ROBO2: variants seen among roughly 807,000 people sequenced by gnomAD.
The protein encoded by ROBO2 is roundabout homolog 2.
ROBO2 carries 53 observed loss-of-function variants against 160.8 expected under a neutral mutation model. The ratio of observed to expected loss-of-function variants is 0.33; its 90% CI spans 0.26 to 0.41. The LOEUF (loss-of-function observed/expected upper bound fraction) is 0.41, where lower values mean the gene tolerates loss of function less well. Ranked by LOEUF, ROBO2 falls within the 10% of genes least tolerant of loss-of-function variation. The pLI, the probability that ROBO2 is intolerant of heterozygous loss-of-function variation, is 1.00. For missense variants in ROBO2, 1,577 were observed against 1,722.4 expected (o/e 0.92, Z 1.49); for synonymous variants, 664 against 611.7 (o/e 1.09, Z -1.26).
At chr3:77,415,642 G>A (rs2077156730) in intron 2 of ROBO2, among the ~76,000 whole-genome samples, 1 of 152,098 alleles carries the variant, frequency 6.6e-6, no homozygotes, top group African/African-American at 2.4e-5. Flanking sequence ...ACCAACCCAG[G>A]GTAGGGCACA....
Position 76,965,785 on chromosome 3 carries a change from G to GTATATGTA in ROBO2, c.110-132224_110-132223insGTATATAT, listed in dbSNP as rs2059250383. 1.0e-4 allele frequency among the ~76,000 whole-genome samples: 13 copies of GTATATGTA among 129,208 alleles called. No homozygotes were observed. The South Asian group carries it at 3.2e-3, about 31-fold the overall frequency. The allele number at this position is 129,208 out of a possible 152,430, so 84.8% of individuals were successfully genotyped here. Reference sequence around the variant, plus strand: ...CTATACCATTATTTATTGTGTTTGTGTATATATATATATATATATATATAT... The same window carrying GTATATGTA: ...CTATACCATTATTTATTGTGTTTGTGTATATGTATATATATATATATATATATATATAT... On this transcript the variant is annotated intron_variant, in intron 2 of 26. Coordinates refer to the ROBO2 transcript ENST00000487694.
At chr3:76,105,147 C>T (rs886360298) in intron 2 of ROBO2, among the ~76,000 whole-genome samples, 39 of 151,282 alleles carry the variant, frequency 2.6e-4, no homozygotes, top group Non-Finnish European at 5.5e-4. Context: ...TTTCATGGTA[C>T]CAAACAATGA....
intron 2 of ROBO2, among the ~76,000 whole-genome samples, chr3:76,352,992 A>C (rs1198397674): frequency 6.6e-6 from 1 of 152,020 alleles, no homozygotes; most frequent in Admixed American, 6.6e-5. Flanking sequence ...TAATTCAAGA[A>C]CAGCCTGGCG....
At chr3:77,491,654 A>G (rs2086125090) in intron 4 of ROBO2, among the ~76,000 whole-genome samples, 1 of 152,182 alleles carries the variant, frequency 6.6e-6, no homozygotes, top group Non-Finnish European at 1.5e-5. Context: ...TTTGCTGCTA[A>G]TTTATTCAGG....
chr3:76,326,695 T>C (rs909082809), intron 2 of ROBO2, among the ~76,000 whole-genome samples: 2 of 151,540 alleles, frequency 1.3e-5, no homozygotes, highest in African/African-American at 4.8e-5. Flanking sequence ...CGTATACATG[T>C]GCCATGCTGG....
At chr3:76,883,234 A>G (rs1424810711) in intron 2 of ROBO2, among the ~76,000 whole-genome samples, 1 of 152,166 alleles carries the variant, frequency 6.6e-6, no homozygotes, top group African/African-American at 2.4e-5. Context: ...ATTCTTGTAT[A>G]TTCTTTTAAA....
At chr3:77,610,822 C>G (rs937881657) in intron 21 of ROBO2, among the ~76,000 whole-genome samples, 4 of 150,710 alleles carry the variant, frequency 2.7e-5, no homozygotes, top group Non-Finnish European at 5.9e-5. Flanking sequence ...CAGATAGTCC[C>G]ATTAGTCTTC....
At chr3:76,456,768 A>G (rs1484015017) in intron 2 of ROBO2, among the ~76,000 whole-genome samples, 4 of 152,204 alleles carry the variant, frequency 2.6e-5, no homozygotes. Flanking sequence ...AAAGAGGTTT[A>G]ATTGGACTTA....
intron 2 of ROBO2, among the ~76,000 whole-genome samples, chr3:76,163,495 G>A (rs1040812638): frequency 6.7e-6 from 1 of 148,414 alleles, no homozygotes; most frequent in Non-Finnish European, 1.5e-5. Flanking sequence ...ATATATAACT[G>A]TGTATTATAT....
intron 1 of ROBO2, among the ~76,000 whole-genome samples, chr3:77,052,397 A>C (rs1356233549): frequency 2.0e-5 from 3 of 152,174 alleles, no homozygotes; most frequent in African/African-American, 7.2e-5. Flanking sequence ...AGAGTTATTC[A>C]TGGGGCCACA....
chr3:77,100,006 G>T (rs2071682847), intron 2 of ROBO2, among the ~76,000 whole-genome samples: 1 of 151,882 alleles, frequency 6.6e-6, no homozygotes, highest in African/African-American at 2.4e-5. Context: ...AGCAAATAAG[G>T]TGTTTAAATC....
chr3:76,878,044 C>G (rs1044202892), intron 2 of ROBO2, among the ~76,000 whole-genome samples: 12 of 152,162 alleles, frequency 7.9e-5, no homozygotes, highest in African/African-American at 2.9e-4. Context: ...TCTAAAAGCC[C>G]TATCTCCAAA....
chr3:76,575,724 C>G (rs572854415), intron 2 of ROBO2, among the ~76,000 whole-genome samples: 1 of 152,114 alleles, frequency 6.6e-6, no homozygotes, highest in Non-Finnish European at 1.5e-5. Context: ...AAACCAAATG[C>G]TAATATGTAG....
chr3:76,165,000 T>C (rs1375345786), intron 2 of ROBO2, among the ~76,000 whole-genome samples: 1 of 152,034 alleles, frequency 6.6e-6, no homozygotes, highest in East Asian at 1.9e-4. Flanking sequence ...TTAGAAACAG[T>C]CAAAGCTTTG....
rs74706414 is a variant in ROBO2 at position 76,622,080 on chromosome 3, A to G, written c.110-475934A>G. ...TGAATAAGATCTATTCTTGTGGCTC[A>G]TGTGTGTAATCCCAGTACCTTGGGA... On this transcript the variant is annotated intron_variant, in intron 2 of 26. Coordinates refer to the ROBO2 transcript ENST00000487694. Among the ~76,000 whole-genome samples the G allele has an allele frequency of 7.5e-5, 5 of 66,776 alleles. No homozygotes were observed. In the East Asian group the frequency reaches 1.7e-3, roughly 22 times the overall value. The allele number at this position is 66,776 out of a possible 152,430, so 43.8% of individuals were successfully genotyped here.
intron 2 of ROBO2, among the ~76,000 whole-genome samples, chr3:76,430,979 T>A: frequency 6.6e-6 from 1 of 152,174 alleles, no homozygotes; most frequent in East Asian, 1.9e-4. Context: ...TTTCTCAAAC[T>A]AATAAAATAA....
intron 2 of ROBO2, among the ~76,000 whole-genome samples, chr3:77,314,023 G>A (rs926054929): frequency 1.3e-5 from 2 of 152,172 alleles, no homozygotes; most frequent in African/African-American, 4.8e-5. Context: ...CAGGGTGAAG[G>A]AATGTTGACA....
chr3:76,844,888 A>G (rs1187749421), intron 2 of ROBO2, among the ~76,000 whole-genome samples: 3 of 151,956 alleles, frequency 2.0e-5, no homozygotes, highest in African/African-American at 7.2e-5. Context: ...GATGAGTATA[A>G]AGCAAAGTGA....
At chr3:77,252,831 A>AAAAATATATATATATATATATAT in intron 2 of ROBO2, among the ~76,000 whole-genome samples, 1 of 12,520 alleles carries the variant, frequency 8.0e-5, no homozygotes, top group Admixed American at 2.1e-3. Flanking sequence ...AAAAAAAAAA[A>AAAAATATATATATATATATATAT]ATATATATAT....
Sources: gnomAD v4.1 joint callset for allele counts (sites outside exome capture counted in the v4.1 genomes callset) on GRCh38, gnomAD v4.1.1 for gene constraint, MANE v1.5 for transcripts, NCBI Gene and HGNC (gene_info 2026-07-23, HGNC 2026-07-21) for gene names.